Variants in BTBD16 observed in about 807,000 individuals in gnomAD.
BTBD16 encodes BTB domain containing 16.
A neutral mutation model predicts 67.4 loss-of-function variants in BTBD16; 66 were observed. The observed-to-expected ratio is 0.98, with a 90% CI of 0.80 to 1.20. The LOEUF (loss-of-function observed/expected upper bound fraction) is 1.20. Ranked by LOEUF, BTBD16 falls within the 50% of genes most tolerant of loss-of-function variation. BTBD16 has a pLI of 0.00. For missense variants in BTBD16, 634 were observed against 616.0 expected (o/e 1.03, Z -0.31); for synonymous variants, 242 against 236.4 (o/e 1.02, Z -0.22).
In BTBD16 at chr10:122,314,230, A is replaced by T. The variant is rs73363937; in HGVS notation, c.911+6922A>T. Among the ~76,000 whole-genome samples, 1,508 of 152,268 alleles carry T rather than the reference A, an allele frequency of 9.9e-3. 17 individuals are homozygous for T. Among genetic ancestry groups the T allele is most frequent in the African/African-American group, 0.032 (1,349 of 41,562 alleles). On this transcript the variant is annotated intron_variant, in intron 10 of 15. Transcript: ENST00000260723. ...AAATCTCCATTTATTTGTCTTTTAA[A>T]ATTTCTTGACCAGGCTCAGTGGCTC...
In BTBD16 at chr10:122,336,506, A is replaced by G; in HGVS notation, c.1276A>G (p.Thr426Ala). The change falls in exon 15 of 16, where the codon ACA becomes GCA. Residue 426 changes from threonine (T) to alanine (A), a missense_variant. Transcript: ENST00000260723. The stretch of plus-strand genomic sequence containing the variant: ...ACTCTCTTTGCAGAGAATAAAGCAC[A>G]CAGACCTGGAATCTCCCTCTGCGGT... ...YSFYMQRIKH[T>A]DLESPSAVYE... 6.2e-7 allele frequency: 1 copy of G among 1,606,974 alleles called. No individual in the cohort carries two copies. Among genetic ancestry groups the G allele is most frequent in the Non-Finnish European group, 8.5e-7 (1 of 1,177,042 alleles).
intron 9 of BTBD16, among the ~76,000 whole-genome samples, chr10:122,304,558 T>C (rs1590071722): frequency 6.8e-6 from 1 of 146,536 alleles, no homozygotes; most frequent in East Asian, 2.0e-4. Flanking sequence ...TTCTTTTTTT[T>C]TTTTTTTTTT....
chr10:122,284,083 T>C (rs938554314), intron 4 of BTBD16, among the ~76,000 whole-genome samples, 159 bp downstream of exon 4: 6 of 152,196 alleles, frequency 3.9e-5, no homozygotes, highest in African/African-American at 1.4e-4. Flanking sequence ...AGGTGCCCGG[T>C]AAATATTTGT....
chr10:122,325,065 A>T (rs2096441984), intron 10 of BTBD16, among the ~76,000 whole-genome samples: 1 of 152,232 alleles, frequency 6.6e-6, no homozygotes, highest in Non-Finnish European at 1.5e-5. Flanking sequence ...AGACAGGACC[A>T]CATGGGCATG....
chr10:122,285,677 AG>A (rs2096362249), intron 4 of BTBD16, among the ~76,000 whole-genome samples: 1 of 147,858 alleles, frequency 6.8e-6, no homozygotes. Context: ...GCACCCCAAC[AG>A]GCACGTATCT....
intron 1 of BTBD16, among the ~76,000 whole-genome samples, chr10:122,271,894 T>C (rs542736979): frequency 1.2e-4 from 18 of 152,294 alleles, no homozygotes; most frequent in African/African-American, 2.4e-4. Flanking sequence ...CCTCCCTCTC[T>C]CTGTAACTGA....
chr10:122,289,868 G>T (rs2096370622), intron 5 of BTBD16, 41 bp from the exon 6 acceptor site: 2 of 1,534,378 alleles, frequency 1.3e-6, no homozygotes, highest in Non-Finnish European at 9.0e-7. Flanking sequence ...CTTCACCACG[G>T]TTATCACATC....
chr10:122,328,715 A>C, intron 10 of BTBD16: 1 of 976,790 alleles, frequency 1.0e-6, no homozygotes, highest in Non-Finnish European at 1.2e-6. Flanking sequence ...ATTGTTCCCC[A>C]TTGTCCCCAT....
intron 8 of BTBD16, among the ~76,000 whole-genome samples, chr10:122,298,368 G>A (rs780227972): frequency 1.2e-4 from 19 of 152,220 alleles, no homozygotes; most frequent in Non-Finnish European, 2.4e-4. Flanking sequence ...CCATCATCGC[G>A]TCCTCCCCTT....
intron 10 of BTBD16, among the ~76,000 whole-genome samples, chr10:122,324,156 T>C (rs1209925013): frequency 6.6e-6 from 1 of 152,192 alleles, no homozygotes; most frequent in Non-Finnish European, 1.5e-5. Context: ...ACAAAGCCGG[T>C]TCCAGAAAGC....
In BTBD16 at chr10:122,327,038, C is replaced by T. The variant is rs184796530; in HGVS notation, c.912-2442C>T. On this transcript the variant is annotated intron_variant, in intron 10 of 15. Transcript: ENST00000260723. ...CCAGAGAGGAGCAGGTGCCTCCGCTCCCAGACAGTTAAGTGGCGCCAAGTA... is the reference window on the plus strand; with the variant it reads ...CCAGAGAGGAGCAGGTGCCTCCGCTTCCAGACAGTTAAGTGGCGCCAAGTA... Among the ~76,000 whole-genome samples, 236 of 152,240 alleles carry T rather than the reference C, an allele frequency of 1.6e-3. 1 individual carries two copies. Among genetic ancestry groups the T allele is most frequent in the African/African-American group, 5.4e-3 (224 of 41,538 alleles).
At chr10:122,299,727 C>T (rs1012327395) in intron 9 of BTBD16, among the ~76,000 whole-genome samples, 5 of 152,118 alleles carry the variant, frequency 3.3e-5, no homozygotes, top group Non-Finnish European at 5.9e-5. Flanking sequence ...ATTTCTACTT[C>T]CAAATCAAGT....
At chr10:122,307,473 C>T (rs1214001936) in intron 10 of BTBD16, among the ~76,000 whole-genome samples, 165 bp downstream of exon 10, 1 of 151,934 alleles carries the variant, frequency 6.6e-6, no homozygotes. Context: ...GCTTTCAAAC[C>T]ACCAAATTAC....
chr10:122,297,624 C>G, intron 7 of BTBD16, 144 bp from the exon 8 acceptor site: 1 of 813,650 alleles, frequency 1.2e-6, no homozygotes. Context: ...TGTCCTCTGG[C>G]CAAATGTCCA....
intron 1 of BTBD16, among the ~76,000 whole-genome samples, chr10:122,272,556 G>C (rs908969530): frequency 1.3e-5 from 2 of 152,028 alleles, no homozygotes; most frequent in Non-Finnish European, 2.9e-5. Flanking sequence ...GGTTAGGCTG[G>C]TCTTGAACTC....
intron 3 of BTBD16, 98 bp from the exon 4 acceptor site, chr10:122,283,753 G>A (rs2096357682): frequency 1.1e-6 from 1 of 891,700 alleles, no homozygotes; most frequent in African/African-American, 1.7e-5. Context: ...TTGATCAATG[G>A]GTGCTTTAAG....
chr10:122,317,109 C>T (rs932371412), intron 10 of BTBD16, among the ~76,000 whole-genome samples: 2 of 152,156 alleles, frequency 1.3e-5, no homozygotes, highest in African/African-American at 4.8e-5. Context: ...TTTATAAACG[C>T]TGTGTACTTA....
intron 7 of BTBD16, chr10:122,295,307 G>A (rs1475710297): frequency 4.1e-6 from 4 of 985,428 alleles, no homozygotes; most frequent in Non-Finnish European, 4.8e-6. Flanking sequence ...GCAGTCAAAG[G>A]GGGAGAAAGA....
chr10:122,325,271 G>A (rs533847020), intron 10 of BTBD16, among the ~76,000 whole-genome samples: 2 of 152,308 alleles, frequency 1.3e-5, no homozygotes, highest in African/African-American at 4.8e-5. Context: ...TAAGTGCCAG[G>A]CACTATAAAA....
Sources: gnomAD v4.1 joint callset for allele counts (sites outside exome capture counted in the v4.1 genomes callset) on GRCh38, gnomAD v4.1.1 for gene constraint, MANE v1.5 for transcripts, NCBI Gene and HGNC (gene_info 2026-07-23, HGNC 2026-07-21) for gene names.